The following TTC23L variants were observed in gnomAD, a reference collection of about 807,000 sequenced individuals.
TTC23L encodes the protein tetratricopeptide repeat domain 23 like, also known as tetratricopeptide repeat protein 23-like.
TTC23L carries 42 observed loss-of-function variants against 48.1 expected under a neutral mutation model. The ratio of observed to expected loss-of-function variants is 0.87; its 90% CI spans 0.68 to 1.13. The LOEUF is 1.13. TTC23L is among the 50% of genes most tolerant of loss of function. The pLI is 0.00. For synonymous variants in TTC23L, 159 were observed against 157.2 expected, an observed-to-expected ratio of 1.01 and a Z score of -0.09; for missense variants, 391 against 421.0, an observed-to-expected ratio of 0.93 and a Z score of 0.62.
chr5:34,880,563 G>A, intron 9 of TTC23L: 1 of 453,080 alleles, frequency 2.2e-6, no homozygotes, highest in African/African-American at 2.0e-5. Flanking sequence ...TAGGCTCAAA[G>A]TATTTTAGAG....
chr5:34,919,869 T>A, the TTC23L span: 1 of 1,195,964 alleles, frequency 8.4e-7, no homozygotes, highest in Non-Finnish European at 1.2e-6. Context: ...GGATAAGCTA[T>A]TTGTGATTAA....
At chr5:34,925,063 T>C in the TTC23L span, 24 of 1,506,616 alleles carry the variant, frequency 1.6e-5, no homozygotes, top group Admixed American at 5.4e-4. Flanking sequence ...TTTTATTACC[T>C]GTGAAACTGA....
intron 8 of TTC23L, among the ~76,000 whole-genome samples, chr5:34,878,996 T>C (rs1171540927): frequency 2.0e-5 from 3 of 152,160 alleles, no homozygotes; most frequent in Non-Finnish European, 2.9e-5. Flanking sequence ...ATATACACAA[T>C]AGAATACTAT....
intron 3 of TTC23L, among the ~76,000 whole-genome samples, chr5:34,846,594 TATATATACACACAC>T (rs1480387637): frequency 1.1e-3 from 148 of 129,240 alleles, no homozygotes; most frequent in Middle Eastern, 4.0e-3. Flanking sequence ...TATATATATA[TATATATACACACAC>T]ATATATATAC....
At chr5:34,872,513 C>T (rs1330293702) in intron 8 of TTC23L, among the ~76,000 whole-genome samples, 1 of 152,144 alleles carries the variant, frequency 6.6e-6, no homozygotes, top group African/African-American at 2.4e-5. Flanking sequence ...CAAAATTTCA[C>T]CCATCCTATG....
chr5:34,859,964 C>T (rs1760464650), intron 4 of TTC23L, among the ~76,000 whole-genome samples: 1 of 151,000 alleles, frequency 6.6e-6, no homozygotes, highest in Non-Finnish European at 1.5e-5. Flanking sequence ...CTGCCTCAAC[C>T]TCCAGAGTAG....
intron 3 of TTC23L, among the ~76,000 whole-genome samples, chr5:34,849,932 C>T (rs1047383609): frequency 1.3e-5 from 2 of 152,156 alleles, no homozygotes; most frequent in Admixed American, 1.3e-4. Flanking sequence ...GAAGGGGCTG[C>T]TGTGGCCAGC....
At chr5:34,884,296 C>T (rs1324046712) in intron 9 of TTC23L, among the ~76,000 whole-genome samples, 3 of 152,146 alleles carry the variant, frequency 2.0e-5, no homozygotes, top group Non-Finnish European at 2.9e-5. Flanking sequence ...GCAAAGCCTA[C>T]AGCTAATACC....
intron 9 of TTC23L, among the ~76,000 whole-genome samples, chr5:34,886,938 C>A (rs1227958348): frequency 6.6e-6 from 1 of 152,178 alleles, no homozygotes; most frequent in East Asian, 1.9e-4. Flanking sequence ...CATTCCCTTG[C>A]AGTGGGGTGT....
At chr5:34,913,710 C>CT in the TTC23L span, 1 of 611,820 alleles carries the variant, frequency 1.6e-6, no homozygotes, top group Non-Finnish European at 2.9e-6. Context: ...TTCTGATTAG[C>CT]AATCAAAACA....
At chr5:34,915,744 G>T in the TTC23L span, 1 of 1,601,082 alleles carries the variant, frequency 6.2e-7, no homozygotes, top group Non-Finnish European at 8.5e-7. Flanking sequence ...GCAAGATGGC[G>T]GCAACCAAGA....
At chr5:34,868,964 T>A (rs1471465268) in exon 8 of TTC23L, 1 of 1,611,450 alleles carries the variant, frequency 6.2e-7, no homozygotes, top group South Asian at 1.1e-5. Context: ...CAGAAATGAG[T>A]GCGTTACTGG....
intron 4 of TTC23L, among the ~76,000 whole-genome samples, chr5:34,850,691 C>G (rs1362715874): frequency 6.6e-6 from 1 of 152,114 alleles, no homozygotes; most frequent in Non-Finnish European, 1.5e-5. Context: ...CACTCAGCAT[C>G]AGGGAGGCAG....
chr5:34,918,576 C>T, the TTC23L span: 15 of 629,894 alleles, frequency 2.4e-5, no homozygotes, highest in Admixed American at 7.4e-5. Flanking sequence ...AGTGTTCTCA[C>T]GAAAAAAACA....
intron 8 of TTC23L, among the ~76,000 whole-genome samples, chr5:34,875,269 C>A (rs937481095): frequency 2.0e-5 from 3 of 152,108 alleles, no homozygotes; most frequent in Non-Finnish European, 4.4e-5. Flanking sequence ...CTCTTCAACA[C>A]CCCTTGTATT....
At chr5:34,909,220 CT>C in the TTC23L span, 1 of 1,441,716 alleles carries the variant, frequency 6.9e-7, no homozygotes, top group Admixed American at 1.9e-5. Flanking sequence ...TTAACCTCCT[CT>C]TTATCACCAA....
chr5:34,839,566 G>C (rs1014476877), intron 1 of TTC23L: 5 of 903,914 alleles, frequency 5.5e-6, no homozygotes, highest in Non-Finnish European at 6.6e-6. Flanking sequence ...ACTCTTTGCT[G>C]TGGGCATAGT....
chr5:34,839,643 T>A, intron 1 of TTC23L: 6 of 985,252 alleles, frequency 6.1e-6, no homozygotes, highest in Non-Finnish European at 7.2e-6. Context: ...TAATGGATGC[T>A]CTGGAGCCTG....
chr5:34,839,615 C>G (rs1758427522), intron 1 of TTC23L: 1 of 985,120 alleles, frequency 1.0e-6, no homozygotes, highest in Non-Finnish European at 1.2e-6. Flanking sequence ...TAGTGACTCT[C>G]CCTTTCTGAT....
Sources: allele counts gnomAD v4.1 joint callset (sites outside exome capture counted in the v4.1 genomes callset), GRCh38; gene constraint gnomAD v4.1.1; transcripts MANE v1.5; gene names NCBI Gene and HGNC (gene_info 2026-07-23, HGNC 2026-07-21).